The following KMT5B variants were observed in gnomAD, a reference collection of about 807,000 sequenced individuals.
KMT5B encodes the protein histone-lysine N-methyltransferase KMT5B.
A neutral mutation model predicts 83.2 loss-of-function variants in KMT5B; 10 were observed. That is an observed-to-expected ratio of 0.12 (90% CI 0.07 to 0.20). The LOEUF is 0.20. Ranked by LOEUF, KMT5B falls within the 10% of genes least tolerant of loss-of-function variation. The probability of loss-of-function intolerance (pLI) is 1.00; values close to 1 mark genes in which losing one functional copy is unlikely to be tolerated. For missense variants in KMT5B, 753 were observed against 1,067.2 expected, an observed-to-expected ratio of 0.71 and a Z score of 4.10; for synonymous variants, 349 against 388.8, an observed-to-expected ratio of 0.90 and a Z score of 1.20.
At chr11:68,179,628 G>C in intron 4 of KMT5B, 1 of 1,254,732 alleles carries the variant, frequency 8.0e-7, no homozygotes. Flanking sequence ...TGGAGGGGTG[G>C]GGAACAGGAA....
chr11:68,196,353 T>C (rs1331939708), intron 1 of KMT5B, among the ~76,000 whole-genome samples: 4 of 151,388 alleles, frequency 2.6e-5, no homozygotes, highest in African/African-American at 9.7e-5. Flanking sequence ...ACTTATGCTA[T>C]AAAACTTAAG....
intron 1 of KMT5B, among the ~76,000 whole-genome samples, chr11:68,205,180 T>G (rs1346907551): frequency 6.6e-6 from 1 of 151,244 alleles, no homozygotes; most frequent in Non-Finnish European, 1.5e-5. Flanking sequence ...TAGCCAGTTG[T>G]GCTGCTGCGC....
intron 3 of KMT5B, among the ~76,000 whole-genome samples, chr11:68,182,472 T>A (rs956243361): frequency 6.6e-6 from 1 of 152,190 alleles, no homozygotes; most frequent in East Asian, 1.9e-4. Context: ...TTCCTTTTGT[T>A]TTTTAATATA....
chr11:68,159,974 A>AG (rs1254325456), intron 10 of KMT5B, among the ~76,000 whole-genome samples: 2 of 152,236 alleles, frequency 1.3e-5, no homozygotes, highest in Non-Finnish European at 2.9e-5. Context: ...CAAGGCCAGG[A>AG]TAGAAAAGGG....
At chr11:68,179,326 A>T in intron 4 of KMT5B, 1 of 747,712 alleles carries the variant, frequency 1.3e-6, no homozygotes, top group Non-Finnish European at 1.9e-6. Context: ...AAAATTTGCT[A>T]CTTTAAATCA....
intron 10 of KMT5B, chr11:68,166,298 G>C: frequency 9.2e-7 from 1 of 1,092,488 alleles, no homozygotes; most frequent in Admixed American, 4.9e-5. Context: ...CTTTCTCTTT[G>C]TTTAGTCTTC....
intron 2 of KMT5B, among the ~76,000 whole-genome samples, chr11:68,187,706 G>A (rs1199516415): frequency 6.6e-6 from 1 of 152,204 alleles, no homozygotes; most frequent in Non-Finnish European, 1.5e-5. Context: ...GTCTTAAGCT[G>A]TTCTATCCAT....
Position 68,157,484 on chromosome 11 carries a change from G to A in KMT5B, c.*204C>T. 1 of 690,268 alleles carries A rather than the reference G, an allele frequency of 1.4e-6. No individual in the cohort carries two copies. Among genetic ancestry groups the A allele is most frequent in the Non-Finnish European group, 2.0e-6 (1 of 488,026 alleles). The allele number at this position is 690,268 out of a possible 1,614,324, so 42.8% of individuals were successfully genotyped here. A position where few individuals can be genotyped will look rare whatever the true frequency, so the allele number is the denominator to read the frequency against. On this transcript the variant is annotated 3_prime_UTR_variant, in exon 11 of 11. Coordinates refer to ENST00000304363, the MANE Select transcript of KMT5B (RefSeq NM_017635.5). ...ACCTCTAACTCAGAATTGCACGTAA[G>A]AAGGCTATTTAAAAAGTACGATAAA...
chr11:68,210,256 G>A (rs2153093449), intron 1 of KMT5B, among the ~76,000 whole-genome samples: 1 of 151,984 alleles, frequency 6.6e-6, no homozygotes, highest in East Asian at 1.9e-4. Flanking sequence ...TGGGGGGGGG[G>A]ACACTGATAC....
At chr11:68,181,947 G>A (rs2153063510) in intron 3 of KMT5B, among the ~76,000 whole-genome samples, 1 of 152,326 alleles carries the variant, frequency 6.6e-6, no homozygotes, top group Middle Eastern at 3.4e-3. Flanking sequence ...AACCCAGGCT[G>A]CTCTAACCAG....
Position 68,183,100 on chromosome 11 carries a change from T to C in KMT5B, c.308+2681A>G, listed in dbSNP as rs188268918. Among the ~76,000 whole-genome samples the C allele has an allele frequency of 2.0e-5, 3 of 152,130 alleles. No individual in the cohort carries two copies. The East Asian group carries it at 5.8e-4, about 29-fold the overall frequency. On this transcript the variant is annotated intron_variant, in intron 3 of 10. Transcript: ENST00000304363. ...TATCTTGGTAATAAGGCATAATCAA[T>C]ATAACTTTCTTGATGACCCCAGGTC...
chr11:68,170,822 G>A (rs188922571), intron 9 of KMT5B, among the ~76,000 whole-genome samples, 193 bp downstream of exon 9: 294 of 152,198 alleles, frequency 1.9e-3, no homozygotes, highest in African/African-American at 6.7e-3. Context: ...TAAATTTATT[G>A]AGGGACATTC....
At chr11:68,204,432 A>G (rs1809726220) in intron 1 of KMT5B, among the ~76,000 whole-genome samples, 1 of 152,140 alleles carries the variant, frequency 6.6e-6, no homozygotes, top group South Asian at 2.1e-4. Flanking sequence ...CTCACAAAGT[A>G]CAGAAGGTGA....
At chr11:68,179,094 T>C (rs992535124) in intron 4 of KMT5B, among the ~76,000 whole-genome samples, 4 of 152,144 alleles carry the variant, frequency 2.6e-5, no homozygotes, top group East Asian at 1.9e-4. Flanking sequence ...CATTGTTTCA[T>C]GGTTAGAAGA....
At chr11:68,175,364 C>T (rs539844382) in intron 4 of KMT5B, among the ~76,000 whole-genome samples, 181 bp from the exon 5 acceptor site, 1 of 152,324 alleles carries the variant, frequency 6.6e-6, no homozygotes, top group South Asian at 2.1e-4. Context: ...TAATACTGAT[C>T]ACCTGGATAC....
chr11:68,208,633 G>GACTAAT (rs2153091335), intron 1 of KMT5B, among the ~76,000 whole-genome samples: 1 of 152,260 alleles, frequency 6.6e-6, no homozygotes, highest in East Asian at 1.9e-4. Context: ...TTAGGAGAGA[G>GACTAAT]ACTAATGTAA....
intron 10 of KMT5B, among the ~76,000 whole-genome samples, chr11:68,163,121 T>C (rs1287477864): frequency 6.6e-6 from 1 of 152,236 alleles, no homozygotes; most frequent in African/African-American, 2.4e-5. Flanking sequence ...GTGGCACTTA[T>C]ATGCCTCGTA....
At position 68,171,156 on chromosome 11, in the gene KMT5B, A is replaced by G. The variant is rs746362472; in HGVS notation, c.841-5T>C. On this transcript the variant is annotated splice_region_variant and splice_polypyrimidine_tract_variant and intron_variant, in intron 8 of 10. Transcript: ENST00000304363. The surrounding 1 kb of genome is among the most constrained non-coding windows in gnomAD (Gnocchi z 5.1). Reference sequence around the variant, plus strand: ...ATCTCGACCAGTTGACACAAACTAAAATAAAAGTAACTCAGTAAGAAACTC... The same window carrying G: ...ATCTCGACCAGTTGACACAAACTAAGATAAAAGTAACTCAGTAAGAAACTC... 3.1e-6 allele frequency: 5 copies of G among 1,608,636 alleles called. No homozygotes were observed. The Admixed American group carries it at 8.6e-5, about 28-fold the overall frequency.
chr11:68,181,429 G>A (rs1437830325), intron 3 of KMT5B, among the ~76,000 whole-genome samples: 1 of 152,110 alleles, frequency 6.6e-6, no homozygotes, highest in Non-Finnish European at 1.5e-5. Context: ...GAAGTAAAAG[G>A]AAGGGAAAAG....
Sources: gnomAD v4.1 joint callset for allele counts (sites outside exome capture counted in the v4.1 genomes callset) on GRCh38, gnomAD v4.1.1 for gene constraint, Gnocchi (gnomAD v3.1) non-coding constraint, MANE v1.5 for transcripts, NCBI Gene and HGNC (gene_info 2026-07-23, HGNC 2026-07-21) for gene names.